FAM149A: variants seen among roughly 807,000 people sequenced by gnomAD.
FAM149A encodes the protein family with sequence similarity 149 member A.
In FAM149A, 71 loss-of-function variants were observed where a neutral mutation model predicts 78.2. The observed-to-expected ratio is 0.91, with a 90% CI of 0.75 to 1.11. FAM149A has a LOEUF of 1.11. FAM149A is among the 50% of genes least tolerant of loss of function. The pLI is 0.00. For missense variants in FAM149A, 1,036 were observed against 971.0 expected (o/e 1.07, Z -0.89); for synonymous variants, 446 against 410.5 (o/e 1.09, Z -1.04).
intron 1 of FAM149A, among the ~76,000 whole-genome samples, chr4:186,119,548 GT>G (rs2150089154): frequency 6.6e-6 from 1 of 152,264 alleles, no homozygotes; most frequent in South Asian, 2.1e-4. Context: ...TAAATAAAAT[GT>G]TCTTCTCAAA....
At chr4:186,169,826 G>A in intron 13 of FAM149A, 1 of 985,454 alleles carries the variant, frequency 1.0e-6, no homozygotes, top group Non-Finnish European at 1.2e-6. Flanking sequence ...GTCCATGCCA[G>A]TCATCTGCGC....
chr4:186,129,863 T>A (rs1170728475), intron 1 of FAM149A, among the ~76,000 whole-genome samples: 2 of 152,230 alleles, frequency 1.3e-5, no homozygotes, highest in Non-Finnish European at 2.9e-5. Context: ...AGGAAGCTGA[T>A]GTATCTTGTA....
Position 186,164,366 on chromosome 4 carries a change from C to A in FAM149A, c.1889+733C>A. ...CCAGGAAGAGGCCCAGCCGGACACA[C>A]CCACAAGTGCTCTCAGGCTTTAGAG... On this transcript the variant is annotated intron_variant, in intron 10 of 13. Transcript: ENST00000389354. This position sits in a 1 kb window ranked among gnomAD's most constrained non-coding sequence, Gnocchi z 4.0. 3 of 604,264 alleles carry A rather than the reference C, an allele frequency of 5.0e-6. No homozygotes were observed. The highest frequency in any genetic ancestry group is 7.2e-5 in the South Asian group (1 of 13,870). 37.4% of individuals were successfully genotyped at this position (604,264 alleles called of 1,614,324 possible).
At position 186,133,302 on chromosome 4, in the gene FAM149A, CAGA is replaced by C. The variant is rs561900266; in HGVS notation, c.567-15868_567-15866del. The C allele has an allele frequency of 6.9e-4, 468 of 679,398 alleles. 5 individuals are homozygous for C. In the Admixed American group the frequency reaches 0.012, roughly 17 times the overall value. 42.1% of individuals were successfully genotyped at this position (679,398 alleles called of 1,614,324 possible). A position where few individuals can be genotyped will look rare whatever the true frequency, so the allele number is the denominator to read the frequency against. On this transcript the variant is annotated intron_variant, in intron 1 of 13. Coordinates refer to ENST00000389354, the MANE Select transcript of FAM149A (RefSeq NM_001367768.3). Reference sequence around the variant, plus strand: ...TGCAGTCACCACCGCCATCCATCTCCAGAAGTTTTTCATCATCTCAAACAAACT... The same window carrying C: ...TGCAGTCACCACCGCCATCCATCTCCAGTTTTTCATCATCTCAAACAAACT...
rs943489839 is a variant in FAM149A at position 186,105,059 on chromosome 4, C to A, written c.-18C>A. On this transcript the variant is annotated 5_prime_UTR_variant, in exon 1 of 14. Coordinates refer to ENST00000389354, the MANE Select transcript of FAM149A (RefSeq NM_001367768.3). ...AACTCTCGGGCGGCGGCGAGGACGG[C>A]GTGTCCACTGTCGAGGCATGAAGGC... is the stretch of plus-strand genomic sequence containing the variant. 3.9e-6 allele frequency: 5 copies of A among 1,267,090 alleles called. No homozygotes were observed. Among genetic ancestry groups the A allele is most frequent in the Admixed American group, 4.8e-5 (2 of 41,986 alleles). 78.5% of individuals were successfully genotyped at this position (1,267,090 alleles called of 1,614,324 possible). A position where few individuals can be genotyped will look rare whatever the true frequency, so the allele number is the denominator to read the frequency against.
intron 1 of FAM149A, among the ~76,000 whole-genome samples, chr4:186,120,744 A>T (rs959770971): frequency 2.2e-5 from 3 of 137,804 alleles, no homozygotes; most frequent in African/African-American, 7.8e-5. Flanking sequence ...CAGTGAGCCA[A>T]GATTGCGCCA....
chr4:186,150,367 TG>T (rs1561404366), intron 3 of FAM149A, among the ~76,000 whole-genome samples: 35 of 150,590 alleles, frequency 2.3e-4, no homozygotes, highest in African/African-American at 6.1e-4. Flanking sequence ...GTTTTGTTGT[TG>T]TTGTTGTTGT....
chr4:186,137,012 CTCTCTCTA>C (rs1561396604), intron 1 of FAM149A, among the ~76,000 whole-genome samples: 8 of 127,176 alleles, frequency 6.3e-5, no homozygotes, highest in African/African-American at 8.8e-5. Flanking sequence ...CTCTCTCTCT[CTCTCTCTA>C]AGTGCTTAAA....
intron 9 of FAM149A, 66 bp from the exon 10 acceptor site, chr4:186,163,358 C>T: frequency 2.3e-6 from 3 of 1,322,534 alleles, no homozygotes; most frequent in East Asian, 2.3e-5. Context: ...CAACTAAGCA[C>T]AGACAGGTGC....
intron 1 of FAM149A, chr4:186,125,694 A>T (rs762717152): frequency 2.9e-5 from 29 of 984,442 alleles, no homozygotes; most frequent in Non-Finnish European, 3.4e-5. Flanking sequence ...GGCTTAATAA[A>T]TGTTGGGGAA....
chr4:186,121,504 G>T (rs533044769), intron 1 of FAM149A, among the ~76,000 whole-genome samples: 2 of 152,262 alleles, frequency 1.3e-5, no homozygotes, highest in East Asian at 3.9e-4. Context: ...ATGTATTAAA[G>T]TGACAATTTA....
intron 1 of FAM149A, among the ~76,000 whole-genome samples, chr4:186,119,062 C>T (rs73025996): frequency 0.011 from 1,698 of 152,240 alleles, 33 homozygotes; most frequent in African/African-American, 0.039. Flanking sequence ...ATATCCTTCA[C>T]GTACAGGGGA....
rs372088710 is a variant in FAM149A at position 186,167,417 on chromosome 4, G to T, written c.2218+155G>T. On this transcript the variant is annotated intron_variant, in intron 13 of 13. Coordinates refer to ENST00000389354, the MANE Select transcript of FAM149A (RefSeq NM_001367768.3). The stretch of plus-strand genomic sequence containing the variant: ...CCTGTGGCCTGACCTCAGAAACCTC[G>T]ATCACAGAGCACACCTGCAGAGACT... 4.3e-5 allele frequency: 31 copies of T among 728,404 alleles called. No individual in the cohort carries two copies. The East Asian group carries it at 4.4e-4, about 10-fold the overall frequency. The allele number at this position is 728,404 out of a possible 1,614,324, so 45.1% of individuals were successfully genotyped here.
intron 1 of FAM149A, among the ~76,000 whole-genome samples, chr4:186,138,618 A>G (rs570395724): frequency 4.8e-4 from 73 of 152,174 alleles, no homozygotes; most frequent in African/African-American, 1.7e-3. Flanking sequence ...TCTTGTTTTG[A>G]TGATCACGAC....
At chr4:186,155,138 AT>A (rs1010911514) in intron 6 of FAM149A, among the ~76,000 whole-genome samples, 1 of 150,946 alleles carries the variant, frequency 6.6e-6, no homozygotes, top group Non-Finnish European at 1.5e-5. Context: ...AATTTTTTGA[AT>A]TTTTTTTTAG....
chr4:186,126,165 A>ACC (rs2099318244), intron 1 of FAM149A: 1 of 909,772 alleles, frequency 1.1e-6, no homozygotes, highest in Admixed American at 6.2e-5. Flanking sequence ...ACTACTCATT[A>ACC]CTAGGGGTAC....
At chr4:186,158,809 G>A (rs1159285420) in intron 8 of FAM149A, 2 of 1,009,834 alleles carry the variant, frequency 2.0e-6, no homozygotes, top group East Asian at 2.1e-4. Flanking sequence ...CAATGCTCAG[G>A]CCCCTGAATG....
chr4:186,148,779 G>A (rs985006010), intron 1 of FAM149A, among the ~76,000 whole-genome samples: 7 of 152,066 alleles, frequency 4.6e-5, no homozygotes, highest in African/African-American at 1.7e-4. Flanking sequence ...GAGTGGTTGG[G>A]TTTTGTAAGT....
chr4:186,145,197 G>A (rs1457116122), intron 1 of FAM149A: 17 of 961,960 alleles, frequency 1.8e-5, no homozygotes, highest in Non-Finnish European at 2.1e-5. Context: ...GGCCGGCTGC[G>A]TCTGGCCCGG....
Sources: gnomAD v4.1 joint callset for allele counts (sites outside exome capture counted in the v4.1 genomes callset) on GRCh38, gnomAD v4.1.1 for gene constraint, Gnocchi (gnomAD v3.1) non-coding constraint, MANE v1.5 for transcripts, NCBI Gene and HGNC (gene_info 2026-07-23, HGNC 2026-07-21) for gene names.